The following GMDS variants were observed in gnomAD, a reference collection of about 807,000 sequenced individuals.
GMDS encodes the protein GDP-mannose 4,6 dehydratase.
A neutral mutation model predicts 49.9 loss-of-function variants in GMDS; 20 were observed. The observed-to-expected ratio is 0.40, with a 90% CI of 0.28 to 0.58. The LOEUF is 0.58. GMDS is among the 20% of genes least tolerant of loss of function. GMDS has a pLI of 0.42. For synonymous variants in GMDS, 177 were observed against 178.6 expected (o/e 0.99, Z 0.07); for missense variants, 362 against 481.4 (o/e 0.75, Z 2.32).
chr6:1,879,873 C>T (rs1449544838), intron 7 of GMDS, among the ~76,000 whole-genome samples: 2 of 152,014 alleles, frequency 1.3e-5, no homozygotes, highest in Non-Finnish European at 2.9e-5. Flanking sequence ...TTTTTGAACC[C>T]TGATACTGTA....
chr6:1,723,412 C>T (rs1218312593), intron 9 of GMDS, among the ~76,000 whole-genome samples: 3 of 150,302 alleles, frequency 2.0e-5, no homozygotes, highest in African/African-American at 2.5e-5. Context: ...CTGAAAGCTC[C>T]GCCTCCCGGG....
chr6:1,756,346 C>G (rs1767944539), intron 7 of GMDS, among the ~76,000 whole-genome samples: 1 of 151,900 alleles, frequency 6.6e-6, no homozygotes, highest in Admixed American at 6.6e-5. Context: ...TCACTGCAAC[C>G]TCCGCCTCCC....
intron 1 of GMDS, among the ~76,000 whole-genome samples, chr6:2,178,802 T>C (rs1020658971): frequency 6.6e-6 from 1 of 152,222 alleles, no homozygotes; most frequent in South Asian, 2.1e-4. Context: ...CCTTTTTCAA[T>C]GTCTTTGAAC....
chr6:2,189,974 G>T (rs1040957334), intron 1 of GMDS, among the ~76,000 whole-genome samples: 6 of 152,146 alleles, frequency 3.9e-5, no homozygotes, highest in Non-Finnish European at 8.8e-5. Context: ...GTAACTCGTG[G>T]TATCAAATGT....
chr6:1,823,391 A>G (rs1393621191), intron 7 of GMDS, among the ~76,000 whole-genome samples: 2 of 152,242 alleles, frequency 1.3e-5, no homozygotes, highest in African/African-American at 2.4e-5. Flanking sequence ...AAAAATGGGA[A>G]GGATAATATT....
chr6:2,074,334 T>C (rs1220768478), intron 4 of GMDS, among the ~76,000 whole-genome samples: 1 of 152,244 alleles, frequency 6.6e-6, no homozygotes, highest in East Asian at 1.9e-4. Flanking sequence ...TGTCCATTTA[T>C]GGGCTTTGCC....
At chr6:1,705,656 T>A (rs896060153) in intron 9 of GMDS, among the ~76,000 whole-genome samples, 1 of 152,166 alleles carries the variant, frequency 6.6e-6, no homozygotes, top group Non-Finnish European at 1.5e-5. Context: ...GAATCACGGA[T>A]AATGGACTGC....
chr6:1,898,598 C>T (rs372678628), intron 7 of GMDS, among the ~76,000 whole-genome samples: 1 of 152,212 alleles, frequency 6.6e-6, no homozygotes, highest in East Asian at 1.9e-4. Context: ...TCAAGCCCTC[C>T]TGACCTCACA....
intron 9 of GMDS, among the ~76,000 whole-genome samples, chr6:1,704,714 G>A (rs1765669337): frequency 6.6e-6 from 1 of 152,184 alleles, no homozygotes; most frequent in African/African-American, 2.4e-5. Context: ...GTTGTTGTGG[G>A]TATTTTCATG....
intron 7 of GMDS, among the ~76,000 whole-genome samples, chr6:1,820,249 A>G (rs1770837329): frequency 6.6e-6 from 1 of 152,200 alleles, no homozygotes; most frequent in Admixed American, 6.5e-5. Flanking sequence ...TTTTATTATG[A>G]AAAAATAAAA....
At chr6:2,031,224 C>T (rs960567620) in intron 4 of GMDS, among the ~76,000 whole-genome samples, 1 of 152,172 alleles carries the variant, frequency 6.6e-6, no homozygotes, top group Admixed American at 6.5e-5. Context: ...AGCTCTTTTC[C>T]CTTTCAGCTG....
chr6:1,803,381 A>G (rs985051107), intron 7 of GMDS, among the ~76,000 whole-genome samples: 1 of 151,888 alleles, frequency 6.6e-6, no homozygotes, highest in African/African-American at 2.4e-5. Flanking sequence ...CTTTATGAAA[A>G]CCACAATTTT....
intron 8 of GMDS, among the ~76,000 whole-genome samples, chr6:1,732,701 G>T (rs1045764652): frequency 2.6e-5 from 4 of 152,174 alleles, no homozygotes; most frequent in African/African-American, 9.7e-5. Context: ...ATGTCGGAAA[G>T]GGCCCACAGA....
intron 8 of GMDS, among the ~76,000 whole-genome samples, chr6:1,736,327 G>A (rs1315935475): frequency 1.3e-5 from 2 of 151,628 alleles, no homozygotes; most frequent in Non-Finnish European, 2.9e-5. Flanking sequence ...GAGGGAGGTA[G>A]AGAGACAGAG....
intron 7 of GMDS, among the ~76,000 whole-genome samples, chr6:1,907,955 T>C (rs1304908669): frequency 6.6e-6 from 1 of 152,168 alleles, no homozygotes; most frequent in African/African-American, 2.4e-5. Flanking sequence ...ATAAATCGTT[T>C]AAAAATTAGA....
chr6:1,704,895 A>T (rs1481079274), intron 9 of GMDS, among the ~76,000 whole-genome samples: 2 of 152,110 alleles, frequency 1.3e-5, no homozygotes, highest in Non-Finnish European at 2.9e-5. Context: ...TCAAGTACAT[A>T]CTTGTTCTTC....
intron 7 of GMDS, among the ~76,000 whole-genome samples, chr6:1,782,868 CA>C (rs1391361778): frequency 3.3e-5 from 5 of 152,182 alleles, no homozygotes; most frequent in African/African-American, 1.2e-4. Context: ...GAAAGGATCA[CA>C]GAGGCTGGGT....
At chr6:1,743,625 G>GC (rs1488949158) in intron 7 of GMDS, among the ~76,000 whole-genome samples, 1 of 151,916 alleles carries the variant, frequency 6.6e-6, no homozygotes, top group East Asian at 1.9e-4. Context: ...AAATGCCACT[G>GC]CATGTCCAAG....
chr6:1,689,259 T>C (rs559246357), intron 9 of GMDS, among the ~76,000 whole-genome samples: 1 of 152,330 alleles, frequency 6.6e-6, no homozygotes, highest in South Asian at 2.1e-4. Flanking sequence ...TCTCTTCCTC[T>C]TCATCGGACT....
Sources: allele counts gnomAD v4.1 joint callset (sites outside exome capture counted in the v4.1 genomes callset), GRCh38; gene constraint gnomAD v4.1.1; transcripts MANE v1.5; gene names NCBI Gene and HGNC (gene_info 2026-07-23, HGNC 2026-07-21).